AKAP6: variants seen among roughly 807,000 people sequenced by gnomAD.
AKAP6 encodes A-kinase anchor protein 6.
Under a neutral mutation model 188.5 loss-of-function variants are expected in AKAP6, and 58 were observed. The observed-to-expected ratio is 0.31, with a 90% CI of 0.25 to 0.38. The LOEUF is 0.38. Among genes scored for constraint, AKAP6 ranks in the 10% least tolerant of loss-of-function variants. The pLI is 1.00. For synonymous variants in AKAP6, 989 were observed against 998.6 expected, an observed-to-expected ratio of 0.99 and a Z score of 0.18; for missense variants, 2,710 against 2,740.0, an observed-to-expected ratio of 0.99 and a Z score of 0.24.
chr14:32,466,014 AACCGTAATGAGATACC>A (rs1162794888), intron 2 of AKAP6, among the ~76,000 whole-genome samples: 2 of 152,234 alleles, frequency 1.3e-5, no homozygotes, highest in Admixed American at 1.3e-4. Context: ...TGCAAATCAA[AACCGTAATGAGATACC>A]ACCTCACACC....
intron 7 of AKAP6, among the ~76,000 whole-genome samples, chr14:32,643,960 T>G (rs1887873821): frequency 6.6e-6 from 1 of 152,210 alleles, no homozygotes; most frequent in Non-Finnish European, 1.5e-5. Flanking sequence ...CTTTTCCCCC[T>G]ATTTCTTGTA....
intron 5 of AKAP6, among the ~76,000 whole-genome samples, chr14:32,591,471 C>CAAAAAAAA (rs71432067): frequency 1.6e-5 from 2 of 128,520 alleles, no homozygotes; most frequent in African/African-American, 2.9e-5. Flanking sequence ...TACTTTGCAC[C>CAAAAAAAA]AAAAAAAAAA....
At chr14:32,816,457 A>C (rs1186303365) in intron 12 of AKAP6, among the ~76,000 whole-genome samples, 3 of 152,082 alleles carry the variant, frequency 2.0e-5, no homozygotes. Flanking sequence ...CAGCCTCTCA[A>C]AGTGCTGGAA....
chr14:32,444,960 A>G (rs965060641), intron 2 of AKAP6, among the ~76,000 whole-genome samples: 4 of 152,238 alleles, frequency 2.6e-5, no homozygotes, highest in African/African-American at 7.2e-5. Flanking sequence ...AATACCACAT[A>G]GGAGACTACC....
intron 1 of AKAP6, among the ~76,000 whole-genome samples, chr14:32,420,729 G>T (rs550221911): frequency 6.6e-6 from 1 of 152,074 alleles, no homozygotes; most frequent in Non-Finnish European, 1.5e-5. Context: ...TTGTAGTCTG[G>T]ACTGGAAGCC....
At chr14:32,433,926 C>A in intron 2 of AKAP6, 109 bp downstream of exon 2, 2 of 1,039,436 alleles carry the variant, frequency 1.9e-6, no homozygotes, top group Non-Finnish European at 2.8e-6. Context: ...AAGAAAAGCA[C>A]AGTACCAGGT....
At chr14:32,810,965 T>C (rs149764798) in intron 12 of AKAP6, among the ~76,000 whole-genome samples, 13 of 152,116 alleles carry the variant, frequency 8.5e-5, no homozygotes, top group African/African-American at 2.4e-4. Flanking sequence ...ATTGGCTGGG[T>C]GCGGTGGCTC....
chr14:32,791,870 T>C (rs929559301), intron 12 of AKAP6, among the ~76,000 whole-genome samples: 1 of 152,178 alleles, frequency 6.6e-6, no homozygotes, highest in South Asian at 2.1e-4. Context: ...CCATTTATTA[T>C]ATAGGGAATC....
intron 3 of AKAP6, among the ~76,000 whole-genome samples, chr14:32,537,856 A>G (rs1882756509): frequency 6.6e-6 from 1 of 152,234 alleles, no homozygotes; most frequent in South Asian, 2.1e-4. Context: ...ATGAAGAGCC[A>G]TGGACGGTAA....
At chr14:32,477,271 G>A (rs1879117519) in intron 2 of AKAP6, among the ~76,000 whole-genome samples, 1 of 152,164 alleles carries the variant, frequency 6.6e-6, no homozygotes, top group South Asian at 2.1e-4. Flanking sequence ...CTTGGCTATT[G>A]TTTTAAGCTA....
chr14:32,481,462 C>G (rs939017427), intron 2 of AKAP6, among the ~76,000 whole-genome samples: 4 of 152,146 alleles, frequency 2.6e-5, no homozygotes, highest in African/African-American at 7.2e-5. Context: ...ACTCACGGTT[C>G]TACATGGCTG....
chr14:32,833,765 T>C lies in AKAP6; in HGVS notation c.*3960T>C, dbSNP rs2034845034. On this transcript the variant is annotated 3_prime_UTR_variant, in exon 14 of 14. Transcript: ENST00000280979. ...AACTCACTTTTCAAGTGTCATATAATTCTTATATTTTAAATATAAATCGAA... is the reference window on the plus strand; with the variant it reads ...AACTCACTTTTCAAGTGTCATATAACTCTTATATTTTAAATATAAATCGAA... The C allele has an allele frequency of 6.6e-6, 1 of 152,214 alleles. No individual in the cohort carries two copies. The highest frequency in any genetic ancestry group is 2.1e-4 in the South Asian group (1 of 4,838). The allele number at this position is 152,214 out of a possible 1,614,324, so 9.4% of individuals were successfully genotyped here.
intron 12 of AKAP6, among the ~76,000 whole-genome samples, chr14:32,788,260 T>A (rs140541565): frequency 9.2e-4 from 140 of 152,276 alleles, no homozygotes; most frequent in Non-Finnish European, 1.7e-3. Flanking sequence ...ACTTAGTAGC[T>A]GTGTGATCAT....
chr14:32,584,852 A>G (rs1566589792), intron 5 of AKAP6, among the ~76,000 whole-genome samples: 2 of 152,190 alleles, frequency 1.3e-5, no homozygotes, highest in East Asian at 1.9e-4. Context: ...GAAGTAGTCT[A>G]TTGTATGGAT....
intron 9 of AKAP6, among the ~76,000 whole-genome samples, chr14:32,727,683 C>T (rs2030941157): frequency 6.6e-6 from 1 of 152,160 alleles, no homozygotes; most frequent in Non-Finnish European, 1.5e-5. Flanking sequence ...AATGACATTG[C>T]ACTTTTTAAT....
At chr14:32,709,963 A>G (rs1890972363) in intron 9 of AKAP6, among the ~76,000 whole-genome samples, 1 of 152,034 alleles carries the variant, frequency 6.6e-6, no homozygotes. Context: ...CCTCTTTTGT[A>G]GCAGAAAATA....
chr14:32,373,718 C>T (rs1888078865), intron 1 of AKAP6, among the ~76,000 whole-genome samples: 1 of 152,164 alleles, frequency 6.6e-6, no homozygotes, highest in African/African-American at 2.4e-5. Flanking sequence ...ACAAGGACAG[C>T]TTGGAGATTA....
chr14:32,757,518 G>GT (rs1428405849), intron 11 of AKAP6, among the ~76,000 whole-genome samples: 1 of 152,232 alleles, frequency 6.6e-6, no homozygotes, highest in Non-Finnish European at 1.5e-5. Context: ...GAAAGGCATT[G>GT]TAAGTAATAG....
intron 1 of AKAP6, among the ~76,000 whole-genome samples, chr14:32,415,702 T>C (rs959929845): frequency 6.6e-6 from 1 of 152,152 alleles, no homozygotes; most frequent in African/African-American, 2.4e-5. Context: ...CATTCTTCCC[T>C]TAGCCCCTGG....
Sources: allele counts gnomAD v4.1 joint callset (sites outside exome capture counted in the v4.1 genomes callset), GRCh38; gene constraint gnomAD v4.1.1; transcripts MANE v1.5; gene names NCBI Gene and HGNC (gene_info 2026-07-23, HGNC 2026-07-21).